The following LSS variants were observed in gnomAD, a reference collection of about 807,000 sequenced individuals.
LSS encodes lanosterol synthase.
In LSS, 90 loss-of-function variants were observed where a neutral mutation model predicts 110.3. The ratio of observed to expected loss-of-function variants is 0.82; its 90% CI spans 0.69 to 0.97. The LOEUF (loss-of-function observed/expected upper bound fraction) is 0.97, where lower values mean the gene tolerates loss of function less well. LSS is among the 50% of genes least tolerant of loss of function. The pLI is 0.00. For synonymous variants in LSS, 433 were observed against 400.0 expected (o/e 1.08, Z -0.98); for missense variants, 927 against 990.0 (o/e 0.94, Z 0.85).
chr21:46,221,915 A>C lies in LSS; in HGVS notation c.489T>G (p.Ile163Met), dbSNP rs746415650. 6.2e-7 allele frequency: 1 copy of C among 1,614,134 alleles called. No individual in the cohort carries two copies. Among genetic ancestry groups the C allele is most frequent in the Admixed American group, 1.7e-5 (1 of 60,026 alleles). Reference protein sequence around the residue: ...GTALNYVSLRILGVGPDDPDL... With the variant: ...GTALNYVSLRMLGVGPDDPDL... ...CAGGATCGTCAGGCCCAACACCCAG[A>C]ATTCTGAGAGACACATAGTTGAGCG... Residue 163 changes from isoleucine to methionine, a missense_variant, in exon 5 of 22, where the codon ATT (isoleucine) becomes ATG (methionine). Transcript: ENST00000397728.
At chr21:46,217,488 C>A (rs2123747275) in intron 6 of LSS, among the ~76,000 whole-genome samples, 1 of 152,340 alleles carries the variant, frequency 6.6e-6, no homozygotes, top group Non-Finnish European at 1.5e-5. Flanking sequence ...GCCTTCCCTG[C>A]TCCCTGACTG....
At position 46,209,816 on chromosome 21, in the gene LSS, G is replaced by A. The variant is rs1258418722; in HGVS notation, c.1195-191C>T. ...AAGACAAAACAGCAAAAGTCCATGAGATATGACTGAAGATGGAAGGGCGCA... is the reference window on the plus strand; with the variant it reads ...AAGACAAAACAGCAAAAGTCCATGAAATATGACTGAAGATGGAAGGGCGCA... On this transcript the variant is annotated intron_variant, in intron 12 of 21. Transcript: ENST00000397728. This position sits in a 1 kb window ranked among gnomAD's most constrained non-coding sequence, Gnocchi z 4.4. 1.3e-5 allele frequency among the ~76,000 whole-genome samples: 2 copies of A among 152,100 alleles called. No individual in the cohort carries two copies. The highest frequency in any genetic ancestry group is 1.3e-4 in the Admixed American group (2 of 15,276).
chr21:46,195,152 G>A (rs775334625), intron 19 of LSS, among the ~76,000 whole-genome samples: 3 of 152,228 alleles, frequency 2.0e-5, no homozygotes, highest in Non-Finnish European at 2.9e-5. Flanking sequence ...ACTCAGGGTT[G>A]GGAGGCATCT....
chr21:46,216,557 C>G lies in LSS; in HGVS notation c.648-33G>C. The stretch of plus-strand genomic sequence containing the variant: ...AACAGCAGGAGTCAGTGGGAGACCC[C>G]AAGACTCAAGCCTGCCCCCTCCGCC... On this transcript the variant is annotated intron_variant, in intron 6 of 21. Transcript: ENST00000397728. The surrounding 1 kb of genome is among the most constrained non-coding windows in gnomAD (Gnocchi z 4.2). 6.5e-7 allele frequency: 1 copy of G among 1,547,306 alleles called. No individual in the cohort carries two copies. The highest frequency in any genetic ancestry group is 8.7e-7 in the Non-Finnish European group (1 of 1,143,122).
chr21:46,188,772 A>G lies in LSS; in HGVS notation c.*2332T>C, dbSNP rs1184442519. The G allele has an allele frequency of 8.5e-6, 4 of 471,356 alleles. No homozygotes were observed. Among genetic ancestry groups the G allele is most frequent in the African/African-American group, 2.0e-5 (1 of 50,218 alleles). The allele number at this position is 471,356 out of a possible 1,614,324, so 29.2% of individuals were successfully genotyped here. A position where few individuals can be genotyped will look rare whatever the true frequency, so the allele number is the denominator to read the frequency against. On this transcript the variant is annotated 3_prime_UTR_variant, in exon 22 of 22. Coordinates refer to ENST00000397728, the MANE Select transcript of LSS (RefSeq NM_002340.6). ...CTGACACTGAAGTCCTGCCTGTGTA[A>G]TAACACCGAAGAGGGCAGGGAATCG...
Position 46,205,926 on chromosome 21 carries a change from T to G in LSS, c.1580A>C (p.Asp527Ala). Residue 527 changes from aspartate (D) to alanine (A), a missense_variant, in exon 17 of 22, where the codon GAC becomes GCC. Physicochemically the swap from Asp to Ala is moderately radical, Grantham distance 126. Transcript: ENST00000397728. Reference protein sequence around the residue: ...PSEVFGDIMIDYTYVECTSAV... With the variant: ...PSEVFGDIMIAYTYVECTSAV... ...TGAGGTGCACTCCACATAGGTGTAG[T>G]CAATCATGATGTCCCCTGGGAAAGG... 1 of 1,608,522 alleles carries G rather than the reference T, an allele frequency of 6.2e-7. No individual in the cohort carries two copies. The highest frequency in any genetic ancestry group is 8.5e-7 in the Non-Finnish European group (1 of 1,177,376).
chr21:46,211,694 G>A (rs569709316), intron 11 of LSS, among the ~76,000 whole-genome samples: 19 of 152,266 alleles, frequency 1.2e-4, no homozygotes, highest in East Asian at 5.8e-4. Context: ...AAGCATTCTC[G>A]CCAAAGAAAC....
At chr21:46,195,349 G>A (rs2079894817) in intron 19 of LSS, among the ~76,000 whole-genome samples, 1 of 152,204 alleles carries the variant, frequency 6.6e-6, no homozygotes. Flanking sequence ...GGAAGGCCGA[G>A]GTAGGAAGAC....
rs2080282807 is a variant in LSS at position 46,221,836 on chromosome 21, A to G, written c.550+18T>C. The G allele has an allele frequency of 1.9e-6, 3 of 1,613,866 alleles. No homozygotes were observed. Among genetic ancestry groups the G allele is most frequent in the African/African-American group, 1.3e-5 (1 of 74,992 alleles). ...TTGACACGAACCCCTGGCCCAGCAC[A>G]TGCTGCACATGCCGTACCTTTCTTG... is the stretch of plus-strand genomic sequence containing the variant. On this transcript the variant is annotated intron_variant, in intron 5 of 21. Transcript: ENST00000397728.
chr21:46,208,824 T>C lies in LSS; in HGVS notation c.1267-523A>G, dbSNP rs77847006. Among the ~76,000 whole-genome samples, 374 of 152,256 alleles carry C rather than the reference T, an allele frequency of 2.5e-3. 1 individual carries two copies. The highest frequency in any genetic ancestry group is 8.5e-3 in the African/African-American group (355 of 41,550). ...CATTGGGCCAGGCACAGCAGGACAA[T>C]GCCCCTCCTCTGCTTGAGCCCAAGA... On this transcript the variant is annotated intron_variant, in intron 13 of 21. Transcript: ENST00000397728.
In LSS at chr21:46,194,676, G is replaced by A. The variant is rs201360073; in HGVS notation, c.1818-15C>T. 6.2e-6 allele frequency: 10 copies of A among 1,607,706 alleles called. No homozygotes were observed. Among genetic ancestry groups the A allele is most frequent in the African/African-American group, 1.3e-5 (1 of 74,786 alleles). ...CACAGGCAGTCCTGCAAAGACCAGA[G>A]ACAGGAGACACCATCACACCAAGGA... On this transcript the variant is annotated splice_polypyrimidine_tract_variant and intron_variant, in intron 19 of 21. Transcript: ENST00000397728.
At chr21:46,222,539 C>A in intron 4 of LSS, 91 bp downstream of exon 4, 1 of 1,153,612 alleles carries the variant, frequency 8.7e-7, no homozygotes, top group South Asian at 1.4e-5. Context: ...CACTCCTAAC[C>A]CCTGGCAGCT....
At chr21:46,215,536 G>C (rs2080192325) in intron 8 of LSS, 149 bp downstream of exon 8, 3 of 633,810 alleles carry the variant, frequency 4.7e-6, no homozygotes, top group Admixed American at 5.7e-5. Flanking sequence ...TCTCAGGGTG[G>C]AGGGGCAGGG....
At chr21:46,219,684 G>C in intron 5 of LSS, 112 bp from the exon 6 acceptor site, 1 of 591,678 alleles carries the variant, frequency 1.7e-6, no homozygotes, top group Non-Finnish European at 2.9e-6. Flanking sequence ...CTCTCCATGA[G>C]GCAAGGGCAG....
chr21:46,215,878 C>T (rs982735725), intron 7 of LSS, 85 bp from the exon 8 acceptor site: 95 of 878,934 alleles, frequency 1.1e-4, no homozygotes, highest in African/African-American at 9.1e-4. Context: ...TCCCACCATC[C>T]GCCCTCAGGG....
At chr21:46,227,364 T>C (rs1330294407) in intron 3 of LSS, 188 bp downstream of exon 3, 2 of 650,302 alleles carry the variant, frequency 3.1e-6, no homozygotes, top group South Asian at 2.2e-5. Flanking sequence ...CACCCTACAC[T>C]GGCAAGGCTA....
At chr21:46,211,450 C>A (rs1047780935) in intron 11 of LSS, among the ~76,000 whole-genome samples, 2 of 152,172 alleles carry the variant, frequency 1.3e-5, no homozygotes, top group African/African-American at 4.8e-5. Flanking sequence ...TTTCTGAGTA[C>A]ACCTGGAGGT....
In LSS at chr21:46,210,723, A is replaced by T; in HGVS notation, c.1159T>A (p.Trp387Arg). The T allele has an allele frequency of 6.2e-7, 1 of 1,614,106 alleles. No homozygotes were observed. Among genetic ancestry groups the T allele is most frequent in the Non-Finnish European group, 8.5e-7 (1 of 1,180,010 alleles). ...GCCTGGATGGCGAATGCGGTGTCCC[A>T]GATCTGTGAGCCGTTGGTGCCCTAC... ...KMQGTNGSQI[W>R]DTAFAIQALL... The change falls in exon 12 of 22, where the codon TGG (tryptophan) becomes AGG (arginine). Residue 387 changes from tryptophan (W) to arginine (R), a missense_variant. Coordinates refer to ENST00000397728, the MANE Select transcript of LSS (RefSeq NM_002340.6).
chr21:46,193,149 CTG>C, intron 20 of LSS: 1 of 443,530 alleles, frequency 2.3e-6, no homozygotes, highest in Admixed American at 2.5e-5. Context: ...GTGCATAGAC[CTG>C]TGTGTGCATC....
Sources: gnomAD v4.1 joint callset for allele counts (sites outside exome capture counted in the v4.1 genomes callset) on GRCh38, gnomAD v4.1.1 for gene constraint, Gnocchi (gnomAD v3.1) non-coding constraint, MANE v1.5 for transcripts, NCBI Gene and HGNC (gene_info 2026-07-23, HGNC 2026-07-21) for gene names.